The following RPS6KA5 variants were observed in gnomAD, a reference collection of about 807,000 sequenced individuals.
RPS6KA5 encodes ribosomal protein S6 kinase A5.
Under a neutral mutation model 85.5 loss-of-function variants are expected in RPS6KA5, and 27 were observed. The observed-to-expected ratio is 0.32, with a 90% confidence interval of 0.23 to 0.44. RPS6KA5 has a LOEUF of 0.44. Ranked by LOEUF, RPS6KA5 falls within the 20% of genes least tolerant of loss-of-function variation. RPS6KA5 has a pLI of 1.00. For missense variants in RPS6KA5, 811 were observed against 980.9 expected, an observed-to-expected ratio of 0.83 and a Z score of 2.31; for synonymous variants, 334 against 348.2, an observed-to-expected ratio of 0.96 and a Z score of 0.46.
intron 2 of RPS6KA5, among the ~76,000 whole-genome samples, chr14:90,987,516 G>C (rs767009815): frequency 4.6e-5 from 7 of 152,128 alleles, no homozygotes; most frequent in South Asian, 2.1e-4. Context: ...GGGAAAAAAA[G>C]CTATCTTATC....
intron 14 of RPS6KA5, among the ~76,000 whole-genome samples, chr14:90,878,196 C>T (rs1356170645): frequency 6.6e-6 from 1 of 152,188 alleles, no homozygotes; most frequent in Non-Finnish European, 1.5e-5. Context: ...CTGAACCTTG[C>T]GTAGTGCCAG....
intron 5 of RPS6KA5, among the ~76,000 whole-genome samples, chr14:90,923,575 C>G (rs1456534363): frequency 6.6e-6 from 1 of 152,044 alleles, no homozygotes; most frequent in Non-Finnish European, 1.5e-5. Flanking sequence ...CCTAGTAAGG[C>G]AACATGAACT....
intron 1 of RPS6KA5, chr14:91,052,285 T>G: frequency 4.8e-6 from 1 of 210,396 alleles, no homozygotes; most frequent in Non-Finnish European, 8.1e-6. Context: ...CCATCTCTAC[T>G]AAAAAAAAAA....
chr14:91,018,672 G>A (rs959262109), intron 1 of RPS6KA5, among the ~76,000 whole-genome samples: 15 of 152,076 alleles, frequency 9.9e-5, no homozygotes, highest in African/African-American at 2.9e-4. Context: ...GTGGTTTGCC[G>A]GGGGCTCTCA....
chr14:91,036,111 T>A (rs2042401151), intron 1 of RPS6KA5, among the ~76,000 whole-genome samples: 1 of 151,738 alleles, frequency 6.6e-6, no homozygotes, highest in Admixed American at 6.6e-5. Context: ...GGGGTGCAAC[T>A]CCCCACAGTG....
intron 1 of RPS6KA5, among the ~76,000 whole-genome samples, chr14:91,007,020 T>C (rs796849095): frequency 1.4e-4 from 21 of 152,342 alleles, no homozygotes; most frequent in African/African-American, 4.8e-4. Flanking sequence ...CATTGGTGTG[T>C]TGGATGTTTG....
rs2032844644 is a variant in RPS6KA5, at chr14:90,867,352, A to C, written c.*4722T>G. 1 of 151,906 alleles carries C rather than the reference A, an allele frequency of 6.6e-6. No homozygotes were observed. Among genetic ancestry groups the C allele is most frequent in the Non-Finnish European group, 1.5e-5 (1 of 67,918 alleles). 9.4% of individuals were successfully genotyped at this position (151,906 alleles called of 1,614,324 possible). On this transcript the variant is annotated 3_prime_UTR_variant, in exon 17 of 17. Coordinates refer to ENST00000614987, the MANE Select transcript of RPS6KA5 (RefSeq NM_004755.4). Reference sequence around the variant, plus strand: ...ATGAAACTAGATTTTTTTTTTTAGTAAAGGGGCAAATTGTATACCAACATA... The same window carrying C: ...ATGAAACTAGATTTTTTTTTTTAGTCAAGGGGCAAATTGTATACCAACATA...
At chr14:90,885,650 G>A (rs1236655171) in intron 14 of RPS6KA5, among the ~76,000 whole-genome samples, 1 of 139,976 alleles carries the variant, frequency 7.1e-6, no homozygotes, top group African/African-American at 2.7e-5. Context: ...ACTGAGGCAG[G>A]AGAATGGCGT....
At chr14:91,033,666 C>T (rs1490200360) in intron 1 of RPS6KA5, among the ~76,000 whole-genome samples, 1 of 152,132 alleles carries the variant, frequency 6.6e-6, no homozygotes, top group Non-Finnish European at 1.5e-5. Flanking sequence ...TTACACAGTA[C>T]TGTTAAGAGT....
intron 5 of RPS6KA5, among the ~76,000 whole-genome samples, chr14:90,929,096 A>G (rs1003278728): frequency 1.3e-5 from 2 of 152,142 alleles, no homozygotes; most frequent in African/African-American, 2.4e-5. Context: ...GAGAAAAACC[A>G]TAAGAATTTA....
At chr14:91,026,812 A>G (rs533450184) in intron 1 of RPS6KA5, among the ~76,000 whole-genome samples, 1 of 152,286 alleles carries the variant, frequency 6.6e-6, no homozygotes, top group East Asian at 1.9e-4. Flanking sequence ...ACTTTCTAAT[A>G]AAAGCCATTC....
In RPS6KA5 at chr14:90,850,639, C is replaced by T. The variant is rs958329810; in HGVS notation, c.*21435G>A. ...CAAAGTAGTGAGGTAGCAGCCCCCA[C>T]TTTCCCAAAAAGTTTTCAGGAAAAG... On this transcript the variant is annotated 3_prime_UTR_variant, in exon 17 of 17. Coordinates refer to ENST00000614987, the MANE Select transcript of RPS6KA5 (RefSeq NM_004755.4). The T allele has an allele frequency of 1.3e-5, 2 of 152,234 alleles. No individual in the cohort carries two copies. The highest frequency in any genetic ancestry group is 6.5e-5 in the Admixed American group (1 of 15,286). 9.4% of individuals were successfully genotyped at this position (152,234 alleles called of 1,614,324 possible). A position where few individuals can be genotyped will look rare whatever the true frequency, so the allele number is the denominator to read the frequency against.
chr14:91,018,416 G>A (rs1308310167), intron 1 of RPS6KA5, among the ~76,000 whole-genome samples: 2 of 152,184 alleles, frequency 1.3e-5, no homozygotes, highest in East Asian at 3.8e-4. Context: ...TGTTGCCAGA[G>A]GAGACTGATA....
intron 3 of RPS6KA5, among the ~76,000 whole-genome samples, chr14:90,959,124 C>T (rs930212018): frequency 6.6e-6 from 1 of 151,812 alleles, no homozygotes; most frequent in African/African-American, 2.4e-5. Context: ...GTAGGAGAGT[C>T]GAGGTCACAG....
At chr14:90,875,953 AATG>A (rs1423232670) in intron 14 of RPS6KA5, among the ~76,000 whole-genome samples, 3 of 151,658 alleles carry the variant, frequency 2.0e-5, no homozygotes, top group Admixed American at 6.6e-5. Flanking sequence ...CCTAATGCTA[AATG>A]ATGAGTTAAT....
chr14:90,973,444 G>GA (rs879491035), intron 3 of RPS6KA5, among the ~76,000 whole-genome samples: 90 of 137,932 alleles, frequency 6.5e-4, no homozygotes, highest in Middle Eastern at 3.7e-3. Flanking sequence ...ACTCCATCTC[G>GA]AAAAAAAAAA....
intron 7 of RPS6KA5, among the ~76,000 whole-genome samples, chr14:90,914,656 G>A (rs755444251): frequency 2.6e-5 from 4 of 152,070 alleles, no homozygotes; most frequent in Non-Finnish European, 4.4e-5. Flanking sequence ...GCTCCACCCC[G>A]CTAGGGAGTG....
intron 4 of RPS6KA5, among the ~76,000 whole-genome samples, chr14:90,944,412 T>C (rs1043906413): frequency 5.3e-5 from 8 of 151,894 alleles, no homozygotes; most frequent in Admixed American, 1.3e-4. Context: ...ATCTGGGAGT[T>C]CAAGACTAGC....
chr14:90,890,430 G>C (rs927318725), intron 14 of RPS6KA5, 57 bp downstream of exon 14: 2 of 1,439,894 alleles, frequency 1.4e-6, no homozygotes, highest in Non-Finnish European at 1.9e-6. Flanking sequence ...AGTGAGATAA[G>C]GAGAGAGGAC....
Sources: allele counts gnomAD v4.1 joint callset (sites outside exome capture counted in the v4.1 genomes callset), GRCh38; gene constraint gnomAD v4.1.1; transcripts MANE v1.5; gene names NCBI Gene and HGNC (gene_info 2026-07-23, HGNC 2026-07-21).